KIAA0586: variants seen among roughly 807,000 people sequenced by gnomAD.
KIAA0586 encodes protein TALPID3.
Under a neutral mutation model 169.8 loss-of-function variants are expected in KIAA0586, and 144 were observed. That is an observed-to-expected ratio of 0.85 (90% CI 0.74 to 0.97). The LOEUF (loss-of-function observed/expected upper bound fraction) is 0.97. Ranked by LOEUF, KIAA0586 falls within the 50% of genes least tolerant of loss-of-function variation. KIAA0586 has a pLI of 0.00. For missense variants in KIAA0586, 1,854 were observed against 1,823.0 expected (o/e 1.02, Z -0.31); for synonymous variants, 625 against 612.4 (o/e 1.02, Z -0.30).
intron 29 of KIAA0586, among the ~76,000 whole-genome samples, chr14:58,512,947 T>C (rs1217383460): frequency 6.6e-6 from 1 of 152,062 alleles, no homozygotes; most frequent in Non-Finnish European, 1.5e-5. Context: ...CATTACAATA[T>C]GTTAAAGACA....
chr14:58,445,424 TTTC>T (rs1299225013), intron 6 of KIAA0586, among the ~76,000 whole-genome samples: 6 of 151,898 alleles, frequency 4.0e-5, no homozygotes. Flanking sequence ...GGAATTTCTT[TTTC>T]TTTCTTTTTC....
chr14:58,434,736 A>G (rs1214443410), intron 4 of KIAA0586, among the ~76,000 whole-genome samples: 3 of 152,174 alleles, frequency 2.0e-5, no homozygotes. Flanking sequence ...TGCACCAGCC[A>G]CTGTCCTCTG....
rs1051163928 is a variant in KIAA0586 at position 58,550,216 on chromosome 14, C to G, written c.*2284C>G. ...TTTCTCCGTGTTGGTCAGGCTAGTCCTGAACTCCCGACCTCAGGTGATCTG... is the reference window on the plus strand; with the variant it reads ...TTTCTCCGTGTTGGTCAGGCTAGTCGTGAACTCCCGACCTCAGGTGATCTG... On this transcript the variant is annotated 3_prime_UTR_variant, in exon 31 of 31. Coordinates refer to ENST00000652326, the MANE Select transcript of KIAA0586 (RefSeq NM_001329943.3). 2 of 151,414 alleles carry G rather than the reference C, an allele frequency of 1.3e-5. No individual in the cohort carries two copies. The highest frequency in any genetic ancestry group is 4.9e-5 in the African/African-American group (2 of 41,102). The allele number at this position is 151,414 out of a possible 1,614,324, so 9.4% of individuals were successfully genotyped here. A position where few individuals can be genotyped will look rare whatever the true frequency, so the allele number is the denominator to read the frequency against.
chr14:58,521,784 C>G, intron 29 of KIAA0586: 1 of 803,578 alleles, frequency 1.2e-6, no homozygotes, highest in East Asian at 2.5e-5. Context: ...GGAAGAGGAG[C>G]AGAGCAGTAG....
intron 12 of KIAA0586, 97 bp downstream of exon 12, chr14:58,458,642 A>T (rs780721211): frequency 6.3e-6 from 4 of 639,470 alleles, no homozygotes; most frequent in Admixed American, 7.4e-5. Context: ...AATATTTCTT[A>T]TATAAAAATC....
chr14:58,473,718 C>T (rs558094431), intron 18 of KIAA0586, among the ~76,000 whole-genome samples: 1 of 152,168 alleles, frequency 6.6e-6, no homozygotes, highest in South Asian at 2.1e-4. Context: ...CCAGCCTGGC[C>T]AAGATGGTGA....
intron 26 of KIAA0586, among the ~76,000 whole-genome samples, chr14:58,497,408 G>A (rs973797343): frequency 1.3e-5 from 2 of 150,142 alleles, no homozygotes; most frequent in African/African-American, 2.5e-5. Flanking sequence ...CGCCCAGGCT[G>A]GAGTTCAGTG....
At chr14:58,479,218 T>C (rs1743707) in intron 20 of KIAA0586, among the ~76,000 whole-genome samples, 148,792 of 152,348 alleles carry the variant, frequency 0.98, 72,757 homozygotes, top group Non-Finnish European at 1. Flanking sequence ...TAGCCATTTC[T>C]GAACATATGT....
In KIAA0586 at chr14:58,539,831, C is replaced by A. The variant is rs181592807; in HGVS notation, c.4430-240C>A. ...TCTCATGACCCTTTGCTTCCCCCCC[C>A]CATCTGTGATGCATAAAGATAATAA... On this transcript the variant is annotated intron_variant, in intron 29 of 30. Transcript: ENST00000652326. 3.5e-3 allele frequency: 1,093 copies of A among 312,450 alleles called. 5 individuals carry two copies. Among genetic ancestry groups the A allele is most frequent in the Non-Finnish European group, 5.0e-3 (860 of 171,902 alleles). The allele number at this position is 312,450 out of a possible 1,614,324, so 19.4% of individuals were successfully genotyped here.
At chr14:58,494,320 T>G (rs2043018255) in intron 26 of KIAA0586, among the ~76,000 whole-genome samples, 1 of 34,646 alleles carries the variant, frequency 2.9e-5, no homozygotes, top group African/African-American at 8.6e-5. Flanking sequence ...GACATTCTTG[T>G]TTTTTGTTGT....
At position 58,459,882 on chromosome 14, in the gene KIAA0586, G is replaced by A. The variant is rs2040186316; in HGVS notation, c.1696G>A (p.Asp566Asn). 3.9e-6 allele frequency: 6 copies of A among 1,532,662 alleles called. No individual in the cohort carries two copies. Among genetic ancestry groups the A allele is most frequent in the Middle Eastern group, 1.9e-4 (1 of 5,334 alleles). The allele number at this position is 1,532,662 out of a possible 1,614,324, so 94.9% of individuals were successfully genotyped here. A position where few individuals can be genotyped will look rare whatever the true frequency, so the allele number is the denominator to read the frequency against. ...AACAGATTATGAACAAAAAAGATTT[G>A]ATCAGAAGAATCAGAGAACCAAGAA... ...SRTDYEQKRF[D>N]QKNQRTKKGQ... The change falls in exon 13 of 31, where the codon GAT becomes AAT. Residue 566 changes from aspartate (D) to asparagine (N), a missense_variant. By Grantham distance (23) the Asp-to-Asn change is conservative. Transcript: ENST00000652326.
At chr14:58,536,979 C>A (rs1481448398) in intron 29 of KIAA0586, 4 of 1,235,250 alleles carry the variant, frequency 3.2e-6, no homozygotes, top group Non-Finnish European at 4.2e-6. Flanking sequence ...CTTTTGACTT[C>A]AATACCAGTA....
chr14:58,482,712 G>T lies in KIAA0586; in HGVS notation c.3144G>T (p.Pro1048=). ...GDASTNETYL[P]ARVCTPLPTP... ...CTTCAACAAATGAAACATATTTGCC[G>T]GTATGGGGAATTTTTGAGACATTTA... is the stretch of plus-strand genomic sequence containing the variant. The change falls in exon 21 of 31, where the codon CCG becomes CCT. Residue 1048 remains proline (P), a splice_region_variant and synonymous_variant. Transcript: ENST00000652326. 1 of 1,543,114 alleles carries T rather than the reference G, an allele frequency of 6.5e-7. No homozygotes were observed.
chr14:58,518,074 A>G (rs1356568374), intron 29 of KIAA0586, among the ~76,000 whole-genome samples: 1 of 152,142 alleles, frequency 6.6e-6, no homozygotes, highest in East Asian at 1.9e-4. Context: ...AGAATTTTTC[A>G]ATGGTTAGTC....
intron 16 of KIAA0586, among the ~76,000 whole-genome samples, chr14:58,469,840 A>G (rs941612046): frequency 1.3e-5 from 2 of 152,220 alleles, no homozygotes; most frequent in Non-Finnish European, 2.9e-5. Context: ...TGAAATAACA[A>G]TAAGATGCAT....
chr14:58,529,999 T>G, intron 29 of KIAA0586, among the ~76,000 whole-genome samples: 1 of 152,210 alleles, frequency 6.6e-6, no homozygotes, highest in African/African-American at 2.4e-5. Context: ...GATAAGCAAC[T>G]TCAGCAAAGT....
chr14:58,543,252 C>G (rs760748653), intron 30 of KIAA0586, among the ~76,000 whole-genome samples: 7 of 151,686 alleles, frequency 4.6e-5, no homozygotes, highest in Non-Finnish European at 8.8e-5. Flanking sequence ...TATTTTCTAT[C>G]CCTCTTACCT....
At chr14:58,443,897 A>T (rs1182158046) in intron 5 of KIAA0586, 57 bp from the exon 6 acceptor site, 1 of 982,964 alleles carries the variant, frequency 1.0e-6, no homozygotes, top group Non-Finnish European at 1.5e-6. Flanking sequence ...TCTAGTAATT[A>T]GACATATTTT....
chr14:58,465,730 T>C (rs905615975), intron 14 of KIAA0586, 105 bp from the exon 15 acceptor site: 9 of 691,386 alleles, frequency 1.3e-5, no homozygotes, highest in Non-Finnish European at 2.1e-5. Flanking sequence ...TGTAACCTTA[T>C]ATAGAATTAA....
Sources: allele counts gnomAD v4.1 joint callset (sites outside exome capture counted in the v4.1 genomes callset), GRCh38; gene constraint gnomAD v4.1.1; transcripts MANE v1.5; gene names NCBI Gene and HGNC (gene_info 2026-07-23, HGNC 2026-07-21).